Variants in TRPC4AP observed in about 807,000 individuals in gnomAD.
TRPC4AP encodes short transient receptor potential channel 4-associated protein.
TRPC4AP carries 45 observed loss-of-function variants against 99.0 expected under a neutral mutation model. That is an observed-to-expected ratio of 0.45 (90% CI 0.36 to 0.58). TRPC4AP has a LOEUF of 0.58. TRPC4AP is among the 20% of genes least tolerant of loss of function. TRPC4AP has a pLI of 0.00. For missense variants in TRPC4AP, 879 were observed against 985.3 expected (o/e 0.89, Z 1.44); for synonymous variants, 408 against 385.8 (o/e 1.06, Z -0.67).
At chr20:35,022,629 G>A (rs921779753) in intron 8 of TRPC4AP, among the ~76,000 whole-genome samples, 3 of 152,100 alleles carry the variant, frequency 2.0e-5, no homozygotes, top group African/African-American at 7.2e-5. Flanking sequence ...TTTTGCAAAG[G>A]CCTCTATGTG....
chr20:35,054,180 G>A (rs2083769531), intron 5 of TRPC4AP, among the ~76,000 whole-genome samples: 1 of 101,222 alleles, frequency 9.9e-6, no homozygotes. Flanking sequence ...AAATGAAATG[G>A]AGCTAAATGT....
chr20:35,053,102 ATAATT>A (rs895217730), intron 5 of TRPC4AP, among the ~76,000 whole-genome samples: 129 of 152,364 alleles, frequency 8.5e-4, no homozygotes, highest in African/African-American at 2.6e-3. Context: ...CAGGGAGCAT[ATAATT>A]TAATACATTC....
intron 8 of TRPC4AP, among the ~76,000 whole-genome samples, chr20:35,027,459 G>A (rs1331482903): frequency 1.3e-5 from 2 of 152,078 alleles, no homozygotes; most frequent in African/African-American, 4.8e-5. Flanking sequence ...GAAGATTTTT[G>A]CACCTATAAT....
At chr20:35,044,820 T>TA in intron 6 of TRPC4AP, 108 bp from the exon 7 acceptor site, 2 of 1,026,680 alleles carry the variant, frequency 1.9e-6, no homozygotes, top group South Asian at 1.5e-5. Flanking sequence ...CTAGATCACT[T>TA]AGGTTCCTAT....
At position 35,021,271 on chromosome 20, in the gene TRPC4AP, C is replaced by A. The variant is rs752723504; in HGVS notation, c.1137G>T (p.Met379Ile). The change falls in exon 9 of 19, where the codon ATG (methionine) becomes ATT (isoleucine). Residue 379 changes from methionine to isoleucine, a missense_variant. Coordinates refer to ENST00000252015, the MANE Select transcript of TRPC4AP (RefSeq NM_015638.3). ...TSARTQLPQSMKIMHEIMYKL... is the reference protein window; with the variant it reads ...TSARTQLPQSIKIMHEIMYKL... ...TGTACATGATCTCATGCATAATCTT[C>A]ATTGACTGGGGCAGCTGGGTTCTGG... is the stretch of plus-strand genomic sequence containing the variant. 2 of 1,614,192 alleles carry A rather than the reference C, an allele frequency of 1.2e-6. No homozygotes were observed. The highest frequency in any genetic ancestry group is 2.2e-5 in the South Asian group (2 of 91,078).
At chr20:35,033,027 T>C (rs1353074156) in intron 8 of TRPC4AP, among the ~76,000 whole-genome samples, 22 of 151,912 alleles carry the variant, frequency 1.4e-4, no homozygotes, top group Admixed American at 1.4e-3. Context: ...TAAAATCCTT[T>C]CTCTACTAAA....
At chr20:35,080,534 TAAAAA>T (rs71196786) in intron 1 of TRPC4AP, among the ~76,000 whole-genome samples, 4 of 82,068 alleles carry the variant, frequency 4.9e-5, no homozygotes, top group African/African-American at 1.5e-4. Context: ...AGACTCCATC[TAAAAA>T]AAAAAAAAAA....
At chr20:35,042,260 C>T (rs1250727948) in intron 7 of TRPC4AP, among the ~76,000 whole-genome samples, 1 of 152,142 alleles carries the variant, frequency 6.6e-6, no homozygotes, top group Non-Finnish European at 1.5e-5. Context: ...GGGTTGGAGT[C>T]CACAAACTTC....
chr20:35,064,743 GGT>G (rs1262584725), intron 3 of TRPC4AP, among the ~76,000 whole-genome samples: 1 of 152,128 alleles, frequency 6.6e-6, no homozygotes, highest in African/African-American at 2.4e-5. Context: ...CTCTAGAAAA[GGT>G]GAAGTAATTA....
intron 1 of TRPC4AP, among the ~76,000 whole-genome samples, chr20:35,079,010 G>A (rs931777833): frequency 2.6e-5 from 4 of 152,176 alleles, no homozygotes; most frequent in Non-Finnish European, 4.4e-5. Flanking sequence ...AGGTTGCAGT[G>A]AGCCAAGATC....
At chr20:35,084,488 G>C (rs909556176) in intron 1 of TRPC4AP, among the ~76,000 whole-genome samples, 2 of 117,404 alleles carry the variant, frequency 1.7e-5, no homozygotes, top group Non-Finnish European at 3.7e-5. Flanking sequence ...GTGTATATAT[G>C]TATATATCTA....
Position 35,003,110 on chromosome 20 carries a change from C to T in TRPC4AP, c.*36G>A, listed in dbSNP as rs928884301. The stretch of plus-strand genomic sequence containing the variant: ...GTGGCATCGTACCCACGCTCACCCA[C>T]ACTGGCCCAGCAGCCTCCCGAGGCC... On this transcript the variant is annotated 3_prime_UTR_variant, in exon 19 of 19. Coordinates refer to ENST00000252015, the MANE Select transcript of TRPC4AP (RefSeq NM_015638.3). The T allele has an allele frequency of 3.1e-6, 5 of 1,612,514 alleles. No homozygotes were observed. The highest frequency in any genetic ancestry group is 4.2e-6 in the Non-Finnish European group (5 of 1,179,306).
intron 8 of TRPC4AP, chr20:35,030,230 A>G (rs1186769047): frequency 8.2e-6 from 1 of 121,760 alleles, no homozygotes; most frequent in Admixed American, 8.3e-5. Context: ...AACAAGAGCG[A>G]AACTCCATAT....
At chr20:35,023,119 G>A (rs558950637) in intron 8 of TRPC4AP, among the ~76,000 whole-genome samples, 3 of 152,110 alleles carry the variant, frequency 2.0e-5, no homozygotes, top group Admixed American at 6.5e-5. Flanking sequence ...CTTGGAAGAC[G>A]ACAAGCTGCT....
intron 1 of TRPC4AP, among the ~76,000 whole-genome samples, chr20:35,088,638 A>C (rs1477813606): frequency 1.3e-5 from 2 of 152,248 alleles, no homozygotes; most frequent in Non-Finnish European, 2.9e-5. Flanking sequence ...TATGGGATAG[A>C]TGTTATCATC....
intron 3 of TRPC4AP, among the ~76,000 whole-genome samples, chr20:35,060,611 C>T (rs1232934867): frequency 1.3e-5 from 1 of 77,062 alleles, no homozygotes; most frequent in African/African-American, 5.0e-5. Flanking sequence ...AAAAAAAAAA[C>T]AAGAAAAGGA....
intron 14 of TRPC4AP, 108 bp downstream of exon 14, chr20:35,007,442 C>T (rs918354160): frequency 8.5e-6 from 10 of 1,171,732 alleles, no homozygotes; most frequent in Admixed American, 6.9e-5. Flanking sequence ...TTGGAAGTCA[C>T]GAGATCTGCT....
At chr20:35,086,924 T>G (rs1175697962) in intron 1 of TRPC4AP, among the ~76,000 whole-genome samples, 3 of 151,628 alleles carry the variant, frequency 2.0e-5, no homozygotes, top group Non-Finnish European at 2.9e-5. Flanking sequence ...TCCCAGCTAC[T>G]CAGGAGGCTG....
intron 8 of TRPC4AP, among the ~76,000 whole-genome samples, chr20:35,024,854 A>AAAAAAAAAAAAAATT: frequency 1.1e-5 from 1 of 89,480 alleles, no homozygotes; most frequent in Non-Finnish European, 2.3e-5. Flanking sequence ...AAAAAAAAAA[A>AAAAAAAAAAAAAATT]ATTCTGTTTA....
Sources: allele counts gnomAD v4.1 joint callset (sites outside exome capture counted in the v4.1 genomes callset), GRCh38; gene constraint gnomAD v4.1.1; transcripts MANE v1.5; gene names NCBI Gene and HGNC (gene_info 2026-07-23, HGNC 2026-07-21).